Variants in GOLGB1 observed in about 807,000 individuals in gnomAD.
GOLGB1 encodes golgin B1, also known as golgin subfamily B member 1.
Under a neutral mutation model 336.9 loss-of-function variants are expected in GOLGB1, and 174 were observed. The observed-to-expected ratio is 0.52, with a 90% CI of 0.46 to 0.59. The LOEUF (loss-of-function observed/expected upper bound fraction) is 0.59, where lower values mean the gene tolerates loss of function less well. Ranked by LOEUF, GOLGB1 falls within the 20% of genes least tolerant of loss-of-function variation. The pLI, the probability that GOLGB1 is intolerant of heterozygous loss-of-function variation, is 0.00. For synonymous variants in GOLGB1, 1,208 were observed against 1,289.2 expected, an observed-to-expected ratio of 0.94 and a Z score of 1.35; for missense variants, 3,331 against 3,645.3, an observed-to-expected ratio of 0.91 and a Z score of 2.22.
intron 20 of GOLGB1, among the ~76,000 whole-genome samples, 200 bp downstream of exon 20, chr3:121,667,276 C>T: frequency 6.6e-6 from 1 of 152,174 alleles, no homozygotes; most frequent in Non-Finnish European, 1.5e-5. Flanking sequence ...CTAAGAACAA[C>T]TGTTTTAGAA....
intron 1 of GOLGB1, among the ~76,000 whole-genome samples, chr3:121,738,094 T>A (rs1474327643): frequency 6.6e-6 from 1 of 152,248 alleles, no homozygotes; most frequent in African/African-American, 2.4e-5. Flanking sequence ...TTAGAGATCA[T>A]ATTTTCTTTG....
chr3:121,723,195 A>G (rs1945318191), intron 5 of GOLGB1, among the ~76,000 whole-genome samples: 1 of 152,228 alleles, frequency 6.6e-6, no homozygotes, highest in South Asian at 2.1e-4. Flanking sequence ...ATTTAATTTT[A>G]ATTTGAAAAC....
rs922931562 is a variant in GOLGB1, at chr3:121,664,420, T to G, written c.*60A>C. 8.1e-6 allele frequency: 11 copies of G among 1,361,772 alleles called. No individual in the cohort carries two copies. The highest frequency in any genetic ancestry group is 1.8e-4 in the Middle Eastern group (1 of 5,466). The allele number at this position is 1,361,772 out of a possible 1,614,324, so 84.4% of individuals were successfully genotyped here. On this transcript the variant is annotated 3_prime_UTR_variant, in exon 22 of 22. Coordinates refer to ENST00000614479, the MANE Select transcript of GOLGB1 (RefSeq NM_001366282.2). ...TGTTCCACTGGAATTGATGTTCTGA[T>G]GTTAGAGGTGAGAGAATTCCAAGTT...
chr3:121,677,625 AT>A (rs1186755329), intron 15 of GOLGB1, among the ~76,000 whole-genome samples, 175 bp from the exon 16 acceptor site: 1 of 152,240 alleles, frequency 6.6e-6, no homozygotes. Context: ...AAAAACAGGA[AT>A]CTTTTTTTCT....
chr3:121,741,023 C>A (rs1946816236), intron 1 of GOLGB1, among the ~76,000 whole-genome samples: 1 of 150,854 alleles, frequency 6.6e-6, no homozygotes. Context: ...TTTTCAACAG[C>A]AATGTTTTTG....
chr3:121,674,703 G>A (rs1940076772), intron 17 of GOLGB1, among the ~76,000 whole-genome samples: 1 of 152,172 alleles, frequency 6.6e-6, no homozygotes, highest in Admixed American at 6.5e-5. Context: ...CTCATTCAGA[G>A]TGAGGCTAAG....
intron 14 of GOLGB1, among the ~76,000 whole-genome samples, chr3:121,688,538 A>C (rs1411131107): frequency 6.6e-6 from 1 of 151,372 alleles, no homozygotes; most frequent in Non-Finnish European, 1.5e-5. Flanking sequence ...GCTTGCTACA[A>C]CCTCCACCTC....
At chr3:121,665,255 C>A (rs1328868395) in intron 20 of GOLGB1, among the ~76,000 whole-genome samples, 1 of 152,260 alleles carries the variant, frequency 6.6e-6, no homozygotes, top group Non-Finnish European at 1.5e-5. Context: ...TGCCTACTCA[C>A]TATGTATCAG....
rs769609673 is a variant in GOLGB1 at position 121,717,033 on chromosome 3, A to C, written c.992T>G (p.Leu331Arg). The C allele has an allele frequency of 1.9e-6, 3 of 1,613,850 alleles. No homozygotes were observed. The South Asian group carries it at 3.3e-5, about 18-fold the overall frequency. The change falls in exon 9 of 22, where the codon CTT becomes CGT. Residue 331 changes from leucine (L) to arginine (R), a missense_variant. By Grantham distance (102) the Leu-to-Arg change is moderately radical. Transcript: ENST00000614479. The stretch of plus-strand genomic sequence containing the variant: ...GGATAATTTTCTCTCTGCCACTTCA[A>C]GTTCCATCTTTTCCAGTAGAATCTT... ...ESKILLEKMELEVAERKLSFH... is the reference protein window; with the variant it reads ...ESKILLEKMEREVAERKLSFH...
At chr3:121,718,211 T>C (rs1258383030) in intron 8 of GOLGB1, among the ~76,000 whole-genome samples, 177 bp downstream of exon 8, 1 of 152,192 alleles carries the variant, frequency 6.6e-6, no homozygotes, top group African/African-American at 2.4e-5. Context: ...CTGTATTTAG[T>C]TTTGCTCATA....
At position 121,690,781 on chromosome 3, in the gene GOLGB1, T is replaced by C. The variant is rs1942335076; in HGVS notation, c.8583A>G (p.Arg2861=). Residue 2861 remains arginine (R), a synonymous_variant, in exon 14 of 22, where the codon CGA becomes CGG. Transcript: ENST00000614479. ...DHLWNELEKF[R]KSEEGKQRSA... is the part of the protein sequence containing the mutation. ...ACCTCTGCTTCCCTTCCTCTGACTTTCGAAATTTCTCCAGCTCATTCCACA... is the reference window on the plus strand; with the variant it reads ...ACCTCTGCTTCCCTTCCTCTGACTTCCGAAATTTCTCCAGCTCATTCCACA... 6.3e-7 allele frequency: 1 copy of C among 1,596,830 alleles called. No homozygotes were observed.
intron 4 of GOLGB1, among the ~76,000 whole-genome samples, chr3:121,727,335 T>A (rs1428348176): frequency 3.8e-5 from 5 of 131,918 alleles, no homozygotes; most frequent in Non-Finnish European, 6.5e-5. Context: ...TTTTTTTTTT[T>A]TTTTTTTTTT....
rs781123305 is a variant in GOLGB1, at chr3:121,696,212, T to C, written c.4311A>G (p.Gln1437=). The C allele has an allele frequency of 2.5e-6, 4 of 1,614,098 alleles. No individual in the cohort carries two copies. The highest frequency in any genetic ancestry group is 1.7e-5 in the Admixed American group (1 of 60,030). Residue 1437 remains glutamine, a synonymous_variant, in exon 13 of 22, where the codon CAA becomes CAG. Transcript: ENST00000614479. ...LTKIQTEIIE[Q]EDLIKALHTQ... The stretch of plus-strand genomic sequence containing the variant: ...TATGCAGAGCCTTAATTAAATCTTC[T>C]TGTTCTATTATCTCTGTCTGTATTT...
Position 121,702,446 on chromosome 3 carries a change from G to C in GOLGB1, c.1519+35C>G, listed in dbSNP as rs1168306486. 6.5e-6 allele frequency: 6 copies of C among 919,268 alleles called. No homozygotes were observed. The East Asian group carries it at 1.7e-4, about 27-fold the overall frequency. 56.9% of individuals were successfully genotyped at this position (919,268 alleles called of 1,614,324 possible). A position where few individuals can be genotyped will look rare whatever the true frequency, so the allele number is the denominator to read the frequency against. ...AAAAGTAGAGGCACTTGTGGGATAA[G>C]AAGACAGAGAATTATGGTTTTCTTT... On this transcript the variant is annotated intron_variant, in intron 11 of 21. Transcript: ENST00000614479.
At chr3:121,692,844 G>A (rs950843596) in intron 13 of GOLGB1, among the ~76,000 whole-genome samples, 12 of 152,172 alleles carry the variant, frequency 7.9e-5, no homozygotes, top group African/African-American at 2.7e-4. Context: ...TTAGTGACAT[G>A]GTTTTCAACA....
intron 1 of GOLGB1, among the ~76,000 whole-genome samples, chr3:121,745,546 A>G (rs1197005475): frequency 6.6e-6 from 1 of 151,754 alleles, no homozygotes; most frequent in African/African-American, 2.4e-5. Flanking sequence ...GTATATATAT[A>G]CATATGTATA....
At chr3:121,749,936 A>C (rs796733136), upstream of GOLGB1, among the ~76,000 whole-genome samples, 4 of 152,272 alleles carry the variant, frequency 2.6e-5, no homozygotes, top group East Asian at 1.9e-4. Flanking sequence ...GAATGAGGGG[A>C]GTGATTAGAC....
chr3:121,702,629 TC>T, intron 10 of GOLGB1, 34 bp from the exon 11 acceptor site: 1 of 1,097,538 alleles, frequency 9.1e-7, no homozygotes. Context: ...TTAATGATTC[TC>T]CAGCAGAAAA....
intron 10 of GOLGB1, among the ~76,000 whole-genome samples, chr3:121,710,498 T>C (rs1052207112): frequency 3.3e-5 from 5 of 152,212 alleles, no homozygotes; most frequent in South Asian, 2.1e-4. Flanking sequence ...CTCTTGAATA[T>C]GGGTTTGAAC....
Sources: gnomAD v4.1 joint callset for allele counts (sites outside exome capture counted in the v4.1 genomes callset) on GRCh38, gnomAD v4.1.1 for gene constraint, MANE v1.5 for transcripts, NCBI Gene and HGNC (gene_info 2026-07-23, HGNC 2026-07-21) for gene names.